The following FZD8 variants were observed in gnomAD, a reference collection of about 807,000 sequenced individuals.
The protein encoded by FZD8 is frizzled class receptor 8, also known as frizzled-8.
Under a neutral mutation model 46.0 loss-of-function variants are expected in FZD8, and 18 were observed. The ratio of observed to expected loss-of-function variants is 0.39; its 90% confidence interval spans 0.27 to 0.58. The LOEUF (loss-of-function observed/expected upper bound fraction) is 0.58, where lower values mean the gene tolerates loss of function less well. Ranked by LOEUF, FZD8 falls within the 20% of genes least tolerant of loss-of-function variation. FZD8 has a pLI of 0.55. For missense variants in FZD8, 785 were observed against 983.4 expected (o/e 0.80, Z 2.70); for synonymous variants, 586 against 467.9 (o/e 1.25, Z -3.26).
In FZD8 at chr10:35,639,613, G is replaced by A; in HGVS notation, c.1817C>T (p.Ser606Phe). ...VGITSGVWVWSGKTLESWRSL... is the reference protein window; with the variant it reads ...VGITSGVWVWFGKTLESWRSL... ...GCGCCAGGACTCCAGCGTCTTGCCGGACCAGACCCACACGCCCGAGGTGAT... is the reference window on the plus strand; with the variant it reads ...GCGCCAGGACTCCAGCGTCTTGCCGAACCAGACCCACACGCCCGAGGTGAT... The change falls in exon 1 of 1, where the codon TCC becomes TTC. Residue 606 changes from serine to phenylalanine, a missense_variant. Ser to Phe is a radical substitution (Grantham distance 155). Transcript: ENST00000374694. 1 of 1,597,992 alleles carries A rather than the reference G, an allele frequency of 6.3e-7. No individual in the cohort carries two copies. Among genetic ancestry groups the A allele is most frequent in the Non-Finnish European group, 8.5e-7 (1 of 1,179,584 alleles).
chr10:35,640,340 C>T lies in FZD8; in HGVS notation c.1090G>A (p.Gly364Ser). 1 of 966,698 alleles carries T rather than the reference C, an allele frequency of 1.0e-6. No homozygotes were observed. Among genetic ancestry groups the T allele is most frequent in the Non-Finnish European group, 1.2e-6 (1 of 815,816 alleles). The allele number at this position is 966,698 out of a possible 1,614,324, so 59.9% of individuals were successfully genotyped here. A position where few individuals can be genotyped will look rare whatever the true frequency, so the allele number is the denominator to read the frequency against. The change falls in exon 1 of 1, where the codon GGC (glycine) becomes AGC (serine). Residue 364 changes from glycine to serine, a missense_variant. Around this residue, in one of 5 missense-constraint regions of FZD8, gnomAD observed 88 missense variants for 83.6 expected, o/e 1.05. Coordinates refer to ENST00000374694, the MANE Select transcript of FZD8 (RefSeq NM_031866.3). ...GGAAAGAGAAGAGAGGPGGRG... is the reference protein window; with the variant it reads ...GGAAAGAGAASAGAGGPGGRG... Reference sequence around the variant, plus strand: ...CCGCCCGGGCCGCCCGCGCCCGCGCCCGCCGCGCCCGCGCCCGCCGCCGCG... The same window carrying T: ...CCGCCCGGGCCGCCCGCGCCCGCGCTCGCCGCGCCCGCGCCCGCCGCCGCG...
Position 35,639,323 on chromosome 10 carries a change from C to T in FZD8, c.*22G>A. On this transcript the variant is annotated 3_prime_UTR_variant, in exon 1 of 1. Coordinates refer to ENST00000374694, the MANE Select transcript of FZD8 (RefSeq NM_031866.3). ...CTCCTCGCCCCCCTCCCCACCCCTC[C>T]TGGGCGCCCCCTCCCCTCCGCTCAG... 7.9e-7 allele frequency: 1 copy of T among 1,258,028 alleles called. No individual in the cohort carries two copies. Among genetic ancestry groups the T allele is most frequent in the Non-Finnish European group, 1.1e-6 (1 of 938,064 alleles). The allele number at this position is 1,258,028 out of a possible 1,614,324, so 77.9% of individuals were successfully genotyped here.
rs566768784 is a variant in FZD8 at position 35,641,205 on chromosome 10, C to A, written c.225G>T (p.Leu75=). The part of the protein sequence containing the change: ...AGLEVHQFWP[L]VEIQCSPDLK... ...GATCGGGCGAGCACTGGATCTCCAC[C>A]AGCGGCCAGAACTGGTGCACCTCCA... The change falls in exon 1 of 1, where the codon CTG becomes CTT. Residue 75 remains leucine, a synonymous_variant. Coordinates refer to ENST00000374694, the MANE Select transcript of FZD8 (RefSeq NM_031866.3). This position sits in a 1 kb window ranked among gnomAD's most constrained non-coding sequence, Gnocchi z 6.3. The A allele has an allele frequency of 6.2e-7, 1 of 1,614,052 alleles. No homozygotes were observed. Among genetic ancestry groups the A allele is most frequent in the South Asian group, 1.1e-5 (1 of 91,078 alleles).
chr10:35,641,404 A>G lies in FZD8; in HGVS notation c.26T>C (p.Val9Ala), dbSNP rs1457583738. 1.9e-6 allele frequency: 3 copies of G among 1,610,228 alleles called. No homozygotes were observed. The highest frequency in any genetic ancestry group is 2.5e-6 in the Non-Finnish European group (3 of 1,179,396). MEWGYLLEVTSLLAALALL... is the reference protein window; with the variant it reads MEWGYLLEATSLLAALALL... ...CGCCAAGGCGGCCAGCAGCGAGGTC[A>G]CTTCCAACAGGTAACCCCACTCCAT... Residue 9 changes from valine (V) to alanine (A), a missense_variant, in exon 1 of 1, where the codon GTG becomes GCG. Physicochemically the swap from Val to Ala is moderately conservative, Grantham distance 64. Coordinates refer to ENST00000374694, the MANE Select transcript of FZD8 (RefSeq NM_031866.3). The surrounding 1 kb of genome is among the most constrained non-coding windows in gnomAD (Gnocchi z 6.3).
chr10:35,640,249 G>A lies in FZD8; in HGVS notation c.1181C>T (p.Ala394Val). 1.2e-6 allele frequency: 2 copies of A among 1,608,842 alleles called. No individual in the cohort carries two copies. The highest frequency in any genetic ancestry group is 1.7e-6 in the Non-Finnish European group (2 of 1,179,562). The stretch of plus-strand genomic sequence containing the variant: ...CAGCAAGAAGACCACGGTGCACAGC[G>A]CGGGGCCGGTGGTCTCGTAGCGCAC... ...QHVRYETTGP[A>V]LCTVVFLLVY... The change falls in exon 1 of 1, where the codon GCG becomes GTG. Residue 394 changes from alanine (A) to valine (V), a missense_variant. Ala to Val is a moderately conservative substitution (Grantham distance 64, BLOSUM62 0). This residue lies in a region of FZD8 where 147 missense variants were observed against 242.5 expected (regional missense o/e 0.61). Coordinates refer to ENST00000374694, the MANE Select transcript of FZD8 (RefSeq NM_031866.3).
chr10:35,640,882 C>T lies in FZD8; in HGVS notation c.548G>A (p.Gly183Asp). The T allele has an allele frequency of 1.0e-6, 1 of 994,234 alleles. No individual in the cohort carries two copies. Among genetic ancestry groups the T allele is most frequent in the Non-Finnish European group, 1.2e-6 (1 of 838,764 alleles). The allele number at this position is 994,234 out of a possible 1,614,324, so 61.6% of individuals were successfully genotyped here. Residue 183 changes from glycine (G) to aspartate (D), a missense_variant, in exon 1 of 1, where the codon GGC (glycine) becomes GAC (aspartate). Gly to Asp is a moderately conservative substitution (Grantham distance 94). Coordinates refer to ENST00000374694, the MANE Select transcript of FZD8 (RefSeq NM_031866.3). ...GEQPPSGSGHGRPPGARPPHR... is the reference protein window; with the variant it reads ...GEQPPSGSGHDRPPGARPPHR... ...CGGGGGCCTGGCCCCCGGCGGGCGG[C>T]CGTGGCCGCTGCCCGAAGGCGGCTG...
Position 35,639,423 on chromosome 10 carries a change from G to C in FZD8, c.2007C>G (p.Val669=), listed in dbSNP as rs775945052. The C allele has an allele frequency of 3.7e-6, 5 of 1,355,664 alleles. No homozygotes were observed. The East Asian group carries it at 1.7e-4, about 45-fold the overall frequency. The allele number at this position is 1,355,664 out of a possible 1,614,324, so 84.0% of individuals were successfully genotyped here. The change falls in exon 1 of 1, where the codon GTC becomes GTG. Residue 669 remains valine (V), a synonymous_variant. Transcript: ENST00000374694. The part of the protein sequence containing the change: ...GGGGGSLYSD[V]STGLTWRSGT... Reference sequence around the variant, plus strand: ...CCGACCGCCACGTCAGGCCAGTGCTGACGTCGCTGTAGAGGGAGCCCCCGC... The same window carrying C: ...CCGACCGCCACGTCAGGCCAGTGCTCACGTCGCTGTAGAGGGAGCCCCCGC...
In FZD8 at chr10:35,641,373, C is replaced by A. The variant is rs779763289; in HGVS notation, c.57G>T (p.Leu19=). Residue 19 remains leucine, a synonymous_variant, in exon 1 of 1, where the codon CTG becomes CTT. Coordinates refer to ENST00000374694, the MANE Select transcript of FZD8 (RefSeq NM_031866.3). This position sits in a 1 kb window ranked among gnomAD's most constrained non-coding sequence, Gnocchi z 6.3. ...VTSLLAALAL[L]QRSSGAAAAS... ...CGGCCGCAGCGCCGCTAGAGCGCTG[C>A]AGCAGCGCCAAGGCGGCCAGCAGCG... The A allele has an allele frequency of 6.2e-7, 1 of 1,613,176 alleles. No homozygotes were observed. The highest frequency in any genetic ancestry group is 1.7e-5 in the Admixed American group (1 of 59,998).
In FZD8 at chr10:35,641,379, C is replaced by T. The variant is rs1222716215; in HGVS notation, c.51G>A (p.Ala17=). 1.2e-6 allele frequency: 2 copies of T among 1,612,712 alleles called. No homozygotes were observed. Among genetic ancestry groups the T allele is most frequent in the Admixed American group, 1.7e-5 (1 of 59,956 alleles). ...CAGCGCCGCTAGAGCGCTGCAGCAG[C>T]GCCAAGGCGGCCAGCAGCGAGGTCA... The part of the protein sequence containing the change: ...LEVTSLLAAL[A]LLQRSSGAAA... The change falls in exon 1 of 1, where the codon GCG becomes GCA. Residue 17 remains alanine (A), a synonymous_variant. Coordinates refer to ENST00000374694, the MANE Select transcript of FZD8 (RefSeq NM_031866.3). The surrounding 1 kb of genome is among the most constrained non-coding windows in gnomAD (Gnocchi z 6.3).
In FZD8 at chr10:35,639,713, G is replaced by T; in HGVS notation, c.1717C>A (p.Leu573Met). The T allele has an allele frequency of 6.3e-7, 1 of 1,599,824 alleles. No homozygotes were observed. ...GGCCTGCGTGCCTGGTCGGGCTGCAGGTCCCGCAGGCACGGGCAGTTGTGC... is the reference window on the plus strand; with the variant it reads ...GGCCTGCGTGCCTGGTCGGGCTGCATGTCCCGCAGGCACGGGCAGTTGTGC... ...ATHNCPCLRDLQPDQARRPDY... is the reference protein window; with the variant it reads ...ATHNCPCLRDMQPDQARRPDY... The change falls in exon 1 of 1, where the codon CTG (leucine) becomes ATG (methionine). Residue 573 changes from leucine to methionine, a missense_variant. Around this residue, in one of 5 missense-constraint regions of FZD8, gnomAD observed 185 missense variants for 180.8 expected, o/e 1.02. Transcript: ENST00000374694.
rs1274738963 is a variant in FZD8 at position 35,639,343 on chromosome 10, G to T, written c.*2C>A. 2.4e-5 allele frequency: 13 copies of T among 551,520 alleles called. No individual in the cohort carries two copies. The highest frequency in any genetic ancestry group is 1.3e-4 in the Admixed American group (3 of 22,394). 34.2% of individuals were successfully genotyped at this position (551,520 alleles called of 1,614,324 possible). A position where few individuals can be genotyped will look rare whatever the true frequency, so the allele number is the denominator to read the frequency against. ...CCCTCCTGGGCGCCCCCTCCCCTCCGCTCAGACCTGGGACAATGGCATCTG... is the reference window on the plus strand; with the variant it reads ...CCCTCCTGGGCGCCCCCTCCCCTCCTCTCAGACCTGGGACAATGGCATCTG... On this transcript the variant is annotated 3_prime_UTR_variant, in exon 1 of 1. Transcript: ENST00000374694.
In FZD8 at chr10:35,640,194, G is replaced by A; in HGVS notation, c.1236C>T (p.Ile412=). ...ATGTGAGCGACAAGATCACCCACCA[G>A]ATGGAGCTGGCCATGCCGAAGAAGT... ...LVYFFGMASS[I]WWVILSLTWF... is the part of the protein sequence containing the mutation. Residue 412 remains isoleucine (I), a synonymous_variant, in exon 1 of 1, where the codon ATC becomes ATT. Coordinates refer to ENST00000374694, the MANE Select transcript of FZD8 (RefSeq NM_031866.3). 6.2e-7 allele frequency: 1 copy of A among 1,613,264 alleles called. No individual in the cohort carries two copies.
Position 35,642,080 on chromosome 10 carries a change from G to C in FZD8, c.-651C>G, listed in dbSNP as rs936855409. The C allele has an allele frequency of 6.5e-6, 1 of 153,506 alleles. No homozygotes were observed. The allele number at this position is 153,506 out of a possible 1,614,324, so 9.5% of individuals were successfully genotyped here. A position where few individuals can be genotyped will look rare whatever the true frequency, so the allele number is the denominator to read the frequency against. The stretch of plus-strand genomic sequence containing the variant: ...TCCGTCCTTCGTCCGTCCGCCGCCG[G>C]GACAGACGGACCCCCGCCGCCTGGA... On this transcript the variant is annotated 5_prime_UTR_variant, in exon 1 of 1. Coordinates refer to ENST00000374694, the MANE Select transcript of FZD8 (RefSeq NM_031866.3).
At position 35,641,297 on chromosome 10, in the gene FZD8, C is replaced by T. The variant is rs200372688; in HGVS notation, c.133G>A (p.Gly45Ser). ...CQEITVPLCK[G>S]IGYNYTYMPN... ...ATGTAGGTGTAGTTGTAGCCGATGC[C>T]CTTACACAGCGGCACGGTGATCTCT... Residue 45 changes from glycine (G) to serine (S), a missense_variant, in exon 1 of 1, where the codon GGC becomes AGC. This residue lies in a region of FZD8 where 354 missense variants were observed against 433.2 expected (regional missense o/e 0.82). Coordinates refer to ENST00000374694, the MANE Select transcript of FZD8 (RefSeq NM_031866.3). The surrounding 1 kb of genome is among the most constrained non-coding windows in gnomAD (Gnocchi z 6.3). The T allele has an allele frequency of 1.2e-5, 19 of 1,613,926 alleles. No homozygotes were observed. The highest frequency in any genetic ancestry group is 1.5e-5 in the Non-Finnish European group (18 of 1,179,940).
Position 35,639,763 on chromosome 10 carries a change from T to C in FZD8, c.1667A>G (p.His556Arg). ...CGTGGCCTCCCAGCGCGGGCGGTTG[T>C]GCTGCTCGTAGAAGAGGCAGGCGAC... ...VVVACLFYEQ[H>R]NRPRWEATHN... The change falls in exon 1 of 1, where the codon CAC becomes CGC. Residue 556 changes from histidine to arginine, a missense_variant. His to Arg is a conservative substitution (Grantham distance 29). Around this residue, in one of 5 missense-constraint regions of FZD8, gnomAD observed 147 missense variants for 242.5 expected, o/e 0.61. Coordinates refer to ENST00000374694, the MANE Select transcript of FZD8 (RefSeq NM_031866.3). 1 of 1,600,830 alleles carries C rather than the reference T, an allele frequency of 6.2e-7. No individual in the cohort carries two copies. The highest frequency in any genetic ancestry group is 8.5e-7 in the Non-Finnish European group (1 of 1,179,768).
Position 35,639,645 on chromosome 10 carries a change from C to G in FZD8, c.1785G>C (p.Val595=), listed in dbSNP as rs753937606. 6.3e-7 allele frequency: 1 copy of G among 1,598,648 alleles called. No homozygotes were observed. Among genetic ancestry groups the G allele is most frequent in the Non-Finnish European group, 8.5e-7 (1 of 1,179,732 alleles). ...VFMLKYFMCL[V]VGITSGVWVW... ...CCCACACGCCCGAGGTGATGCCCAC[C>G]ACTAGGCACATGAAGTACTTGAGCA... The change falls in exon 1 of 1, where the codon GTG becomes GTC. Residue 595 remains valine (V), a synonymous_variant. Transcript: ENST00000374694.
In FZD8 at chr10:35,641,112, G is replaced by T. The variant is rs1358875254; in HGVS notation, c.318C>A (p.Pro106=). The stretch of plus-strand genomic sequence containing the variant: ...TGGCGCGCTCGCACACCGAGCGGCA[G>T]GGCGGCAGCGGCTTCTTGTAGTCCT... ...CLEDYKKPLP[P]CRSVCERAKA... is the part of the protein sequence containing the mutation. Residue 106 remains proline (P), a synonymous_variant, in exon 1 of 1, where the codon CCC becomes CCA. Transcript: ENST00000374694. The surrounding 1 kb of genome is among the most constrained non-coding windows in gnomAD (Gnocchi z 6.3). The T allele has an allele frequency of 6.2e-7, 1 of 1,612,218 alleles. No homozygotes were observed. Among genetic ancestry groups the T allele is most frequent in the African/African-American group, 1.3e-5 (1 of 75,016 alleles).
chr10:35,640,224 C>A lies in FZD8; in HGVS notation c.1206G>T (p.Leu402=). 1 of 1,612,048 alleles carries A rather than the reference C, an allele frequency of 6.2e-7. No individual in the cohort carries two copies. The highest frequency in any genetic ancestry group is 8.5e-7 in the Non-Finnish European group (1 of 1,179,784). The change falls in exon 1 of 1, where the codon CTG becomes CTT. Residue 402 remains leucine, a synonymous_variant. Coordinates refer to ENST00000374694, the MANE Select transcript of FZD8 (RefSeq NM_031866.3). ...GPALCTVVFL[L]VYFFGMASSI... ...AGCTGGCCATGCCGAAGAAGTAGAC[C>A]AGCAAGAAGACCACGGTGCACAGCG...
Position 35,641,703 on chromosome 10 carries a change from C to T in FZD8, c.-274G>A. 1 of 371,146 alleles carries T rather than the reference C, an allele frequency of 2.7e-6. No individual in the cohort carries two copies. 23.0% of individuals were successfully genotyped at this position (371,146 alleles called of 1,614,324 possible). A position where few individuals can be genotyped will look rare whatever the true frequency, so the allele number is the denominator to read the frequency against. On this transcript the variant is annotated 5_prime_UTR_variant, in exon 1 of 1. Coordinates refer to ENST00000374694, the MANE Select transcript of FZD8 (RefSeq NM_031866.3). This position sits in a 1 kb window ranked among gnomAD's most constrained non-coding sequence, Gnocchi z 6.3. ...CAGGCGCGCGCCACAGTCCGTAGGT[C>T]CGCTCTGCTGGCCCCGGGTCGCGCT...
Sources: gnomAD v4.1 joint callset for allele counts on GRCh38, gnomAD v4.1.1 for gene constraint, gnomAD v4.1.1 regional missense constraint, Gnocchi (gnomAD v3.1) non-coding constraint, MANE v1.5 for transcripts, NCBI Gene and HGNC (gene_info 2026-07-23, HGNC 2026-07-21) for gene names.